UQCC1: variants seen among roughly 807,000 people sequenced by gnomAD.
UQCC1 encodes the protein ubiquinol-cytochrome c reductase complex assembly factor 1.
A neutral mutation model predicts 48.0 loss-of-function variants in UQCC1; 38 were observed. The ratio of observed to expected loss-of-function variants is 0.79; its 90% CI spans 0.61 to 1.04. The LOEUF is 1.04. Ranked by LOEUF, UQCC1 falls within the 50% of genes least tolerant of loss-of-function variation. The pLI, the probability that UQCC1 is intolerant of heterozygous loss-of-function variation, is 0.00. For synonymous variants in UQCC1, 111 were observed against 129.2 expected (o/e 0.86, Z 0.95); for missense variants, 368 against 381.8 (o/e 0.96, Z 0.30).
At chr20:35,402,717 C>T (rs1017360598) in intron 1 of UQCC1, among the ~76,000 whole-genome samples, 3 of 151,666 alleles carry the variant, frequency 2.0e-5, no homozygotes, top group African/African-American at 7.3e-5. Flanking sequence ...CGCTTGAACC[C>T]GGGAGGCGGA....
chr20:35,383,460 A>C (rs1364591174), intron 3 of UQCC1, among the ~76,000 whole-genome samples: 1 of 152,148 alleles, frequency 6.6e-6, no homozygotes, highest in African/African-American at 2.4e-5. Context: ...CAGTAATCCC[A>C]GTACTTTGGG....
chr20:35,382,535 CAG>C (rs1275701179), intron 3 of UQCC1, among the ~76,000 whole-genome samples: 1 of 109,368 alleles, frequency 9.1e-6, no homozygotes, highest in Non-Finnish European at 1.7e-5. Context: ...TTTTTTGAGA[CAG>C]AGTCTTGCTC....
intron 8 of UQCC1, 150 bp downstream of exon 8, chr20:35,314,538 G>A (rs573525983): frequency 3.7e-4 from 190 of 518,438 alleles, no homozygotes; most frequent in Admixed American, 7.8e-4. Flanking sequence ...ATTCATTCTC[G>A]CTGCCCAGTT....
rs536765053 is a variant in UQCC1, at chr20:35,337,448, A to C, written c.573+9716T>G. On this transcript the variant is annotated intron_variant, in intron 7 of 9. Transcript: ENST00000374385. ...ATGATCCACTCGCCTCGGCCTCCCA[A>C]AGTGCTAGGATTACAGGCTTAAGCC... Among the ~76,000 whole-genome samples, 16 of 152,164 alleles carry C rather than the reference A, an allele frequency of 1.1e-4. No individual in the cohort carries two copies. In the East Asian group the frequency reaches 1.7e-3, roughly 17 times the overall value.
intron 2 of UQCC1, among the ~76,000 whole-genome samples, chr20:35,387,602 A>G (rs1423237593): frequency 6.6e-6 from 1 of 152,132 alleles, no homozygotes; most frequent in African/African-American, 2.4e-5. Context: ...AAAAGGTCCT[A>G]GTGGAAAGGT....
chr20:35,382,830 A>G (rs1371140645), intron 3 of UQCC1, among the ~76,000 whole-genome samples: 1 of 152,002 alleles, frequency 6.6e-6, no homozygotes, highest in African/African-American at 2.4e-5. Context: ...TTTTTTAAGC[A>G]TCTTATCATT....
rs1342009601 is a variant in UQCC1, at chr20:35,382,589, T to C, written c.226-564A>G. 4.9e-5 allele frequency among the ~76,000 whole-genome samples: 7 copies of C among 144,002 alleles called. No homozygotes were observed. In the Admixed American group the frequency reaches 4.9e-4, roughly 10 times the overall value. The allele number at this position is 144,002 out of a possible 152,430, so 94.5% of individuals were successfully genotyped here. On this transcript the variant is annotated intron_variant, in intron 3 of 9. Coordinates refer to ENST00000374385, the MANE Select transcript of UQCC1 (RefSeq NM_018244.5). Reference sequence around the variant, plus strand: ...GTGCAGTGGCGAGATCTCGGCTCACTGCAAGCTCCGCCTCCCGGGTTCCCG... The same window carrying C: ...GTGCAGTGGCGAGATCTCGGCTCACCGCAAGCTCCGCCTCCCGGGTTCCCG...
intron 8 of UQCC1, chr20:35,306,996 AG>A: frequency 1.7e-6 from 1 of 577,232 alleles, no homozygotes; most frequent in African/African-American, 1.8e-5. Flanking sequence ...GAGGGAGAAC[AG>A]GGGGTCCAGA....
At chr20:35,378,737 C>T (rs1354001476) in intron 4 of UQCC1, among the ~76,000 whole-genome samples, 1 of 152,164 alleles carries the variant, frequency 6.6e-6, no homozygotes, top group Non-Finnish European at 1.5e-5. Flanking sequence ...ACCATCTGGG[C>T]CTCTGTTCAA....
intron 1 of UQCC1, among the ~76,000 whole-genome samples, chr20:35,410,991 T>C (rs2062354662): frequency 6.6e-6 from 1 of 151,960 alleles, no homozygotes; most frequent in South Asian, 2.1e-4. Flanking sequence ...GTCGTCCTTG[T>C]AAGACATATA....
chr20:35,342,007 T>G (rs1324525635), intron 7 of UQCC1, among the ~76,000 whole-genome samples: 3 of 152,234 alleles, frequency 2.0e-5, no homozygotes, highest in South Asian at 2.1e-4. Flanking sequence ...AAATGGTGGT[T>G]CTGAGAAGCA....
chr20:35,323,480 T>C (rs1221544390), intron 7 of UQCC1, among the ~76,000 whole-genome samples: 6 of 152,226 alleles, frequency 3.9e-5, no homozygotes, highest in Non-Finnish European at 5.9e-5. Context: ...TTATTATCTA[T>C]ATTAAAGGAA....
At chr20:35,397,479 G>A (rs2062097252) in intron 1 of UQCC1, among the ~76,000 whole-genome samples, 1 of 144,000 alleles carries the variant, frequency 6.9e-6, no homozygotes. Context: ...TCACGCCACT[G>A]CACTCCAGCC....
At chr20:35,378,843 A>G (rs1308396766) in intron 4 of UQCC1, among the ~76,000 whole-genome samples, 2 of 152,172 alleles carry the variant, frequency 1.3e-5, no homozygotes, top group Non-Finnish European at 2.9e-5. Context: ...TTCATATAAC[A>G]TTCATTGAAC....
intron 7 of UQCC1, among the ~76,000 whole-genome samples, chr20:35,338,404 C>G (rs1209157161): frequency 6.6e-6 from 1 of 152,098 alleles, no homozygotes. Context: ...AAAGAGGACA[C>G]TGGACTGGAA....
chr20:35,348,229 A>G (rs1280542049), intron 6 of UQCC1, among the ~76,000 whole-genome samples: 1 of 152,234 alleles, frequency 6.6e-6, no homozygotes, highest in Non-Finnish European at 1.5e-5. Context: ...GCCTCTAGTC[A>G]GTCCAGAGGG....
At chr20:35,304,770 G>A (rs1369389201) in intron 9 of UQCC1, 2 of 152,276 alleles carry the variant, frequency 1.3e-5, no homozygotes, top group East Asian at 1.9e-4. Context: ...GCAGGGCCAG[G>A]AGACTTCATC....
At chr20:35,392,189 A>C (rs2062021588) in intron 2 of UQCC1, 1 of 1,257,876 alleles carries the variant, frequency 7.9e-7, no homozygotes, top group Non-Finnish European at 1.1e-6. Flanking sequence ...AATTAACAAA[A>C]CTCTTTCTCA....
intron 6 of UQCC1, among the ~76,000 whole-genome samples, chr20:35,360,781 C>G (rs999067629): frequency 6.6e-6 from 1 of 152,128 alleles, no homozygotes; most frequent in Non-Finnish European, 1.5e-5. Context: ...AGATAGTGAG[C>G]GCCAAGAAAC....
Sources: allele counts gnomAD v4.1 joint callset (sites outside exome capture counted in the v4.1 genomes callset), GRCh38; gene constraint gnomAD v4.1.1; transcripts MANE v1.5; gene names NCBI Gene and HGNC (gene_info 2026-07-23, HGNC 2026-07-21).